The following BLM variants were observed in gnomAD, a reference collection of about 807,000 sequenced individuals.
BLM encodes the protein BLM RecQ like helicase.
A neutral mutation model predicts 135.3 loss-of-function variants in BLM; 95 were observed. The observed-to-expected ratio is 0.70, with a 90% CI of 0.59 to 0.83. The LOEUF (loss-of-function observed/expected upper bound fraction) is 0.83. Among genes scored for constraint, BLM ranks in the 40% least tolerant of loss-of-function variants. The probability of loss-of-function intolerance (pLI) is 0.00; values close to 1 mark genes in which losing one functional copy is unlikely to be tolerated. For synonymous variants in BLM, 520 were observed against 589.2 expected (o/e 0.88, Z 1.70); for missense variants, 1,518 against 1,663.9 (o/e 0.91, Z 1.53).
At chr15:90,795,298 G>A (rs544991443) in intron 16 of BLM, among the ~76,000 whole-genome samples, 11 of 152,210 alleles carry the variant, frequency 7.2e-5, no homozygotes, top group Admixed American at 6.5e-4. Flanking sequence ...GACCAACATG[G>A]TGAAACCTTG....
chr15:90,724,025 A>G (rs1894839829), intron 1 of BLM, among the ~76,000 whole-genome samples: 1 of 149,792 alleles, frequency 6.7e-6, no homozygotes, highest in Non-Finnish European at 1.5e-5. Context: ...GTATTTTATT[A>G]TTTTTCAGAC....
At chr15:90,730,417 C>T (rs184116186) in intron 1 of BLM, among the ~76,000 whole-genome samples, 1 of 152,104 alleles carries the variant, frequency 6.6e-6, no homozygotes, top group East Asian at 1.9e-4. Flanking sequence ...ATAGAAGTTC[C>T]TTTCTATTCC....
At chr15:90,722,995 C>T (rs1894809570) in intron 1 of BLM, among the ~76,000 whole-genome samples, 1 of 152,122 alleles carries the variant, frequency 6.6e-6, no homozygotes, top group African/African-American at 2.4e-5. Context: ...CGCCTGCCAC[C>T]ATGGCTGGCT....
In BLM at chr15:90,749,300, A is replaced by T. The variant is rs948944922; in HGVS notation, c.99-67A>T. 3 of 1,156,502 alleles carry T rather than the reference A, an allele frequency of 2.6e-6. No homozygotes were observed. The highest frequency in any genetic ancestry group is 3.7e-6 in the Non-Finnish European group (3 of 802,516). The allele number at this position is 1,156,502 out of a possible 1,614,324, so 71.6% of individuals were successfully genotyped here. A position where few individuals can be genotyped will look rare whatever the true frequency, so the allele number is the denominator to read the frequency against. ...CCTGTGTGAATTAGTTTAAAAAATTAGTTTTGTAGAGTTGGGGGGTTTCTT... is the reference window on the plus strand; with the variant it reads ...CCTGTGTGAATTAGTTTAAAAAATTTGTTTTGTAGAGTTGGGGGGTTTCTT... On this transcript the variant is annotated intron_variant, in intron 2 of 21. Coordinates refer to ENST00000355112, the MANE Select transcript of BLM (RefSeq NM_000057.4).
At chr15:90,738,297 C>T (rs1895271660) in intron 1 of BLM, among the ~76,000 whole-genome samples, 1 of 152,116 alleles carries the variant, frequency 6.6e-6, no homozygotes, top group South Asian at 2.1e-4. Flanking sequence ...AGGGTTAATA[C>T]CCAGGATATA....
chr15:90,739,119 G>A (rs1270666697), intron 1 of BLM, among the ~76,000 whole-genome samples: 1 of 152,178 alleles, frequency 6.6e-6, no homozygotes, highest in Admixed American at 6.5e-5. Flanking sequence ...GGAGCGGCCA[G>A]GCGCGGTGGC....
chr15:90,765,436 A>G, intron 9 of BLM, 22 bp downstream of exon 9: 1 of 1,504,692 alleles, frequency 6.6e-7, no homozygotes, highest in Non-Finnish European at 9.2e-7. Flanking sequence ...AAATACTAAT[A>G]AAAACACGCC....
Position 90,720,819 on chromosome 15 carries a change from C to G in BLM, c.-5+3379C>G, listed in dbSNP as rs183254747. Reference sequence around the variant, plus strand: ...GTGTTGTTCAGGCTGATCTCGAACTCGTAGGCTCAAGCAGTTTGCCCACGG... The same window carrying G: ...GTGTTGTTCAGGCTGATCTCGAACTGGTAGGCTCAAGCAGTTTGCCCACGG... On this transcript the variant is annotated intron_variant, in intron 1 of 21. Transcript: ENST00000355112. 2.6e-3 allele frequency among the ~76,000 whole-genome samples: 403 copies of G among 152,166 alleles called. 2 individuals are homozygous for G. The South Asian group carries it at 0.029, about 11-fold the overall frequency.
At chr15:90,750,408 T>C (rs1895651118) in intron 3 of BLM, among the ~76,000 whole-genome samples, 1 of 152,186 alleles carries the variant, frequency 6.6e-6, no homozygotes, top group Non-Finnish European at 1.5e-5. Context: ...TCTTGCGCTT[T>C]GGGACCATTA....
chr15:90,802,867 C>T (rs1243936370), intron 17 of BLM, among the ~76,000 whole-genome samples: 2 of 152,072 alleles, frequency 1.3e-5, no homozygotes, highest in African/African-American at 4.8e-5. Context: ...GAATGGATGG[C>T]CCATTCTCCA....
intron 4 of BLM, among the ~76,000 whole-genome samples, chr15:90,753,119 C>T (rs1052611180): frequency 6.6e-6 from 1 of 152,154 alleles, no homozygotes; most frequent in African/African-American, 2.4e-5. Context: ...CCTGTAGTCC[C>T]ATCTACTCAG....
rs556577644 is a variant in BLM, at chr15:90,760,207, T to C, written c.1148T>C (p.Ile383Thr). The C allele has an allele frequency of 3.1e-6, 5 of 1,613,808 alleles. No homozygotes were observed. The African/African-American group carries it at 4.0e-5, about 13-fold the overall frequency. Residue 383 changes from isoleucine (I) to threonine (T), a missense_variant, in exon 6 of 22, where the codon ATT (isoleucine) becomes ACT (threonine). Transcript: ENST00000355112. ...IHVMEHICKL[I>T]DTIPDDKLKL... is the part of the protein sequence containing the mutation. Reference sequence around the variant, plus strand: ...GTGATGGAGCACATCTGTAAATTAATTGATACTATTCCTGATGATAAACTG... The same window carrying C: ...GTGATGGAGCACATCTGTAAATTAACTGATACTATTCCTGATGATAAACTG...
intron 21 of BLM, among the ~76,000 whole-genome samples, chr15:90,812,950 C>G (rs983174275): frequency 6.6e-6 from 1 of 152,220 alleles, no homozygotes; most frequent in Non-Finnish European, 1.5e-5. Context: ...TATTCCTCCA[C>G]TTTGGGAAAT....
intron 17 of BLM, among the ~76,000 whole-genome samples, chr15:90,801,335 C>T (rs1897161713): frequency 6.6e-6 from 1 of 152,010 alleles, no homozygotes. Flanking sequence ...AACAAGGTTA[C>T]AGGACAGAAC....
Position 90,815,362 on chromosome 15 carries a change from T to C in BLM, c.*83T>C. On this transcript the variant is annotated 3_prime_UTR_variant, in exon 22 of 22. Coordinates refer to ENST00000355112, the MANE Select transcript of BLM (RefSeq NM_000057.4). The surrounding 1 kb of genome is among the most constrained non-coding windows in gnomAD (Gnocchi z 4.6). ...GTGACTATAAAGCTGTTATTCTTGT[T>C]ATACCATTTGAAGTTTTTACTCGTC... 6.8e-7 allele frequency: 1 copy of C among 1,479,236 alleles called. No individual in the cohort carries two copies. The highest frequency in any genetic ancestry group is 9.4e-7 in the Non-Finnish European group (1 of 1,065,432). The allele number at this position is 1,479,236 out of a possible 1,614,324, so 91.6% of individuals were successfully genotyped here.
chr15:90,793,414 C>T (rs1442623057), intron 15 of BLM, among the ~76,000 whole-genome samples: 1 of 152,098 alleles, frequency 6.6e-6, no homozygotes, highest in African/African-American at 2.4e-5. Flanking sequence ...GGATTACAGG[C>T]GTGAGCCACC....
intron 13 of BLM, 96 bp from the exon 14 acceptor site, chr15:90,784,825 T>C: frequency 7.7e-7 from 1 of 1,294,546 alleles, no homozygotes; most frequent in Non-Finnish European, 1.1e-6. Flanking sequence ...ACGGGAGATC[T>C]ATTTATGGTT....
rs1897348236 is a variant in BLM at position 90,809,160 on chromosome 15, G to A, written c.3775G>A (p.Val1259Ile). The stretch of plus-strand genomic sequence containing the variant: ...AGAATCTTTATCTTCTGATCCTGAG[G>A]TTTTGCTTCAAATTGATGGTGTTAC... Reference protein sequence around the residue: ...LAESLSSDPEVLLQIDGVTED... With the variant: ...LAESLSSDPEILLQIDGVTED... Residue 1259 changes from valine (V) to isoleucine (I), a missense_variant, in exon 20 of 22, where the codon GTT (valine) becomes ATT (isoleucine). Transcript: ENST00000355112. 2 of 1,614,092 alleles carry A rather than the reference G, an allele frequency of 1.2e-6. No individual in the cohort carries two copies. Among genetic ancestry groups the A allele is most frequent in the Admixed American group, 1.7e-5 (1 of 60,010 alleles).
At chr15:90,767,675 A>G (rs1251281923) in intron 10 of BLM, among the ~76,000 whole-genome samples, 1 of 152,172 alleles carries the variant, frequency 6.6e-6, no homozygotes. Context: ...ATGTTAGTTA[A>G]CTGATCGCTT....
Sources: allele counts gnomAD v4.1 joint callset (sites outside exome capture counted in the v4.1 genomes callset), GRCh38; gene constraint gnomAD v4.1.1; non-coding constraint Gnocchi (gnomAD v3.1); transcripts MANE v1.5; gene names NCBI Gene and HGNC (gene_info 2026-07-23, HGNC 2026-07-21).